Variants in ORC2 observed in about 807,000 individuals in gnomAD.
ORC2 encodes the protein origin recognition complex protein 2 homolog.
Under a neutral mutation model 77.7 loss-of-function variants are expected in ORC2, and 37 were observed. The ratio of observed to expected loss-of-function variants is 0.48; its 90% CI spans 0.37 to 0.63. The LOEUF is 0.63. Among genes scored for constraint, ORC2 ranks in the 20% least tolerant of loss-of-function variants. The probability of loss-of-function intolerance (pLI) is 0.00; values close to 1 mark genes in which losing one functional copy is unlikely to be tolerated. For synonymous variants in ORC2, 201 were observed against 229.5 expected, an observed-to-expected ratio of 0.88 and a Z score of 1.12; for missense variants, 557 against 661.9, an observed-to-expected ratio of 0.84 and a Z score of 1.74.
chr2:200,953,816 A>C (rs754561926), intron 4 of ORC2, among the ~76,000 whole-genome samples: 17 of 152,068 alleles, frequency 1.1e-4, no homozygotes, highest in Non-Finnish European at 2.4e-4. Context: ...TCAGATGCTA[A>C]GCTTTTTTGT....
chr2:200,935,743 C>A lies in ORC2; in HGVS notation c.664G>T (p.Val222Phe). The change falls in exon 9 of 18, where the codon GTT (valine) becomes TTT (phenylalanine). Residue 222 changes from valine to phenylalanine, a missense_variant. Physicochemically the swap from Val to Phe is conservative, Grantham distance 50. Coordinates refer to ENST00000234296, the MANE Select transcript of ORC2 (RefSeq NM_006190.5). ...QAQNRVVSAPVGKETPSKRMK... is the reference protein window; with the variant it reads ...QAQNRVVSAPFGKETPSKRMK... ...CTCTTAGAAGGTGTTTCTTTGCCAA[C>A]AGGAGCTGAAACTACTCTATTCTGA... is the stretch of plus-strand genomic sequence containing the variant. 1.2e-6 allele frequency: 2 copies of A among 1,613,412 alleles called. No homozygotes were observed. Among genetic ancestry groups the A allele is most frequent in the Non-Finnish European group, 1.7e-6 (2 of 1,179,804 alleles).
chr2:200,935,850 G>A lies in ORC2; in HGVS notation c.557C>T (p.Ser186Phe). The change falls in exon 9 of 18, where the codon TCC becomes TTC. Residue 186 changes from serine to phenylalanine, a missense_variant. Physicochemically the swap from Ser to Phe is radical, Grantham distance 155. Coordinates refer to ENST00000234296, the MANE Select transcript of ORC2 (RefSeq NM_006190.5). Reference sequence around the variant, plus strand: ...AACCCCTTCATCATCCTCTGAGTTGGAAGCAGAATATTCGCTTTCACTGTC... The same window carrying A: ...AACCCCTTCATCATCCTCTGAGTTGAAAGCAGAATATTCGCTTTCACTGTC... ...HSDSESEYSA[S>F]NSEDDEGVAQ... 6.2e-7 allele frequency: 1 copy of A among 1,613,952 alleles called. No homozygotes were observed. The highest frequency in any genetic ancestry group is 8.5e-7 in the Non-Finnish European group (1 of 1,179,956).
chr2:200,935,714 C>T lies in ORC2; in HGVS notation c.693G>A (p.Met231Ile), dbSNP rs1262822109. 2 of 1,603,708 alleles carry T rather than the reference C, an allele frequency of 1.2e-6. No homozygotes were observed. The highest frequency in any genetic ancestry group is 1.7e-6 in the Non-Finnish European group (2 of 1,176,702). The change falls in exon 9 of 18, where the codon ATG (methionine) becomes ATA (isoleucine). Residue 231 changes from methionine (M) to isoleucine (I), a missense_variant. Met to Ile is a conservative substitution (Grantham distance 10). Coordinates refer to ENST00000234296, the MANE Select transcript of ORC2 (RefSeq NM_006190.5). ...CTTCACTTACTGTTTTATCTCTTTT[C>T]ATTCTCTTAGAAGGTGTTTCTTTGC... is the stretch of plus-strand genomic sequence containing the variant. ...PVGKETPSKR[M>I]KRDKTSDLVE...
At chr2:200,916,268 A>G (rs758315537) in intron 15 of ORC2, among the ~76,000 whole-genome samples, 3 of 152,110 alleles carry the variant, frequency 2.0e-5, no homozygotes, top group African/African-American at 4.8e-5. Context: ...GGATCACTTG[A>G]GGTCAAGAGT....
chr2:200,929,367 G>T (rs1257033100), intron 11 of ORC2, among the ~76,000 whole-genome samples: 2 of 152,156 alleles, frequency 1.3e-5, no homozygotes, highest in Non-Finnish European at 2.9e-5. Context: ...GGACAGGAAG[G>T]AACAAAACTG....
chr2:200,947,747 T>C (rs2041275819), intron 5 of ORC2, among the ~76,000 whole-genome samples: 1 of 151,984 alleles, frequency 6.6e-6, no homozygotes, highest in African/African-American at 2.4e-5. Context: ...TTTGTTTTTG[T>C]TTTTTTGAGA....
At chr2:200,915,078 C>T (rs149252237) in intron 15 of ORC2, among the ~76,000 whole-genome samples, 4,053 of 135,748 alleles carry the variant, frequency 0.03, 195 homozygotes, top group African/African-American at 0.11. Flanking sequence ...TGCAATGGCG[C>T]GATCTTGGCT....
At position 200,925,872 on chromosome 2, in the gene ORC2, C is replaced by A; in HGVS notation, c.1111G>T (p.Asp371Tyr). The A allele has an allele frequency of 6.3e-7, 1 of 1,599,310 alleles. No homozygotes were observed. Among genetic ancestry groups the A allele is most frequent in the South Asian group, 1.1e-5 (1 of 89,978 alleles). The change falls in exon 13 of 18, where the codon GAT becomes TAT. Residue 371 changes from aspartate to tyrosine, a missense_variant. Coordinates refer to ENST00000234296, the MANE Select transcript of ORC2 (RefSeq NM_006190.5). ...TTGTTTACTATCCAGTCTAGCTGAT[C>A]CAGTATACTGCGGAAAGTACCCATA... ...DHMGTFRSILDQLDWIVNKFK... is the reference protein window; with the variant it reads ...DHMGTFRSILYQLDWIVNKFK...
intron 1 of ORC2, chr2:200,963,178 G>A (rs989186723): frequency 2.9e-6 from 1 of 344,984 alleles, no homozygotes; most frequent in African/African-American, 2.1e-5. Flanking sequence ...TATAACTGCG[G>A]GGCAGACTAA....
intron 4 of ORC2, among the ~76,000 whole-genome samples, chr2:200,949,910 T>C (rs2041320158): frequency 6.6e-6 from 1 of 152,192 alleles, no homozygotes; most frequent in African/African-American, 2.4e-5. Flanking sequence ...GGGATATGCA[T>C]TCAATTCCTA....
chr2:200,949,392 A>G (rs1187959723), intron 5 of ORC2, among the ~76,000 whole-genome samples, 162 bp downstream of exon 5: 3 of 152,198 alleles, frequency 2.0e-5, no homozygotes, highest in Non-Finnish European at 4.4e-5. Flanking sequence ...TGTGCTTAAT[A>G]TAACATCCTT....
At chr2:200,934,383 C>T (rs889895736) in intron 9 of ORC2, among the ~76,000 whole-genome samples, 16 of 151,710 alleles carry the variant, frequency 1.1e-4, no homozygotes, top group African/African-American at 9.7e-5. Flanking sequence ...GGTGCAAATA[C>T]AGCTCACTGT....
At chr2:200,956,106 C>T (rs532450372) in intron 4 of ORC2, among the ~76,000 whole-genome samples, 1 of 152,248 alleles carries the variant, frequency 6.6e-6, no homozygotes, top group African/African-American at 2.4e-5. Flanking sequence ...CTCGCTTTGT[C>T]ACCCAGGCTG....
At chr2:200,917,184 G>A (rs2040671841) in intron 15 of ORC2, among the ~76,000 whole-genome samples, 1 of 151,778 alleles carries the variant, frequency 6.6e-6, no homozygotes, top group Non-Finnish European at 1.5e-5. Flanking sequence ...TAGTAGAGAT[G>A]CGGTTTCACC....
At chr2:200,912,284 T>C (rs1159373890) in intron 17 of ORC2, among the ~76,000 whole-genome samples, 1 of 152,214 alleles carries the variant, frequency 6.6e-6, no homozygotes, top group East Asian at 1.9e-4. Context: ...TCTGGTTTCT[T>C]GTCCTAGGTA....
chr2:200,913,830 A>G, intron 16 of ORC2, 101 bp downstream of exon 16: 1 of 1,458,630 alleles, frequency 6.9e-7, no homozygotes, highest in South Asian at 1.5e-5. Flanking sequence ...CCACTTACTC[A>G]CTGCTGTGAA....
intron 4 of ORC2, among the ~76,000 whole-genome samples, chr2:200,956,149 C>T (rs2041460579): frequency 6.6e-6 from 1 of 152,218 alleles, no homozygotes; most frequent in Non-Finnish European, 1.5e-5. Flanking sequence ...TCACTGTAGC[C>T]TCAACCTCCT....
intron 16 of ORC2, 82 bp downstream of exon 16, chr2:200,913,849 C>A: frequency 6.7e-7 from 1 of 1,491,312 alleles, no homozygotes; most frequent in Non-Finnish European, 8.9e-7. Context: ...AAAAACTGCA[C>A]TGCTGTCATT....
chr2:200,914,106 T>G, intron 15 of ORC2, 114 bp from the exon 16 acceptor site: 2 of 632,904 alleles, frequency 3.2e-6, no homozygotes, highest in Non-Finnish European at 5.5e-6. Flanking sequence ...CCGCATTATC[T>G]TCTGTTCCTC....
Sources: gnomAD v4.1 joint callset for allele counts (sites outside exome capture counted in the v4.1 genomes callset) on GRCh38, gnomAD v4.1.1 for gene constraint, MANE v1.5 for transcripts, NCBI Gene and HGNC (gene_info 2026-07-23, HGNC 2026-07-21) for gene names.